CHST11: variants seen among roughly 807,000 people sequenced by gnomAD.
The protein encoded by CHST11 is carbohydrate sulfotransferase 11.
Under a neutral mutation model 30.4 loss-of-function variants are expected in CHST11, and 9 were observed. That is an observed-to-expected ratio of 0.30 (90% confidence interval 0.18 to 0.52). CHST11 has a LOEUF of 0.52. Ranked by LOEUF, CHST11 falls within the 20% of genes least tolerant of loss-of-function variation. The probability of loss-of-function intolerance (pLI) is 0.97; values close to 1 mark genes in which losing one functional copy is unlikely to be tolerated. For synonymous variants in CHST11, 152 were observed against 187.8 expected (o/e 0.81, Z 1.56); for missense variants, 348 against 460.6 (o/e 0.76, Z 2.24).
chr12:104,670,612 T>C lies in CHST11; in HGVS notation c.204+68621T>C, dbSNP rs554900012. Among the ~76,000 whole-genome samples the C allele has an allele frequency of 4.4e-3, 587 of 132,566 alleles. 8 individuals carry two copies. Among genetic ancestry groups the C allele is most frequent in the African/African-American group, 0.017 (570 of 33,880 alleles). The allele number at this position is 132,566 out of a possible 152,430, so 87.0% of individuals were successfully genotyped here. A position where few individuals can be genotyped will look rare whatever the true frequency, so the allele number is the denominator to read the frequency against. On this transcript the variant is annotated intron_variant, in intron 2 of 2. Coordinates refer to ENST00000303694, the MANE Select transcript of CHST11 (RefSeq NM_018413.6). The stretch of plus-strand genomic sequence containing the variant: ...ATACACACACTCCCACACAAACACA[T>C]CCATACACACGCACTCACACTCATG...
chr12:104,528,466 A>ATACG (rs1436842758), intron 1 of CHST11, among the ~76,000 whole-genome samples: 2 of 152,184 alleles, frequency 1.3e-5, no homozygotes, highest in Admixed American at 6.5e-5. Context: ...CTCACTCTTC[A>ATACG]TTTGCAAACG....
chr12:104,669,449 T>G (rs757620513), intron 2 of CHST11, among the ~76,000 whole-genome samples: 3 of 152,180 alleles, frequency 2.0e-5, no homozygotes, highest in Non-Finnish European at 2.9e-5. Flanking sequence ...AAGGGATGCT[T>G]CTAGGTCTTT....
At chr12:104,750,455 T>TTTTTTTTTTTTG (rs1566064739) in intron 2 of CHST11, among the ~76,000 whole-genome samples, 11 of 117,494 alleles carry the variant, frequency 9.4e-5, no homozygotes, top group Non-Finnish European at 1.6e-4. Flanking sequence ...TTTTTTTTTT[T>TTTTTTTTTTTTG]TGTTGAGACT....
At chr12:104,553,344 T>C (rs1417130092) in intron 1 of CHST11, 2 of 152,184 alleles carry the variant, frequency 1.3e-5, no homozygotes, top group African/African-American at 2.4e-5. Context: ...CAAAGGCAAG[T>C]AGTAATGCCT....
intron 1 of CHST11, among the ~76,000 whole-genome samples, chr12:104,518,375 T>C (rs1163739064): frequency 6.6e-6 from 1 of 152,190 alleles, no homozygotes; most frequent in African/African-American, 2.4e-5. Flanking sequence ...ATTCGGATGA[T>C]ACACATGTTA....
At chr12:104,688,156 G>A (rs1327592253) in intron 2 of CHST11, among the ~76,000 whole-genome samples, 1 of 152,210 alleles carries the variant, frequency 6.6e-6, no homozygotes. Context: ...GAAAACAATA[G>A]GGACCATTTT....
At chr12:104,614,944 CA>C (rs1481226158) in intron 2 of CHST11, among the ~76,000 whole-genome samples, 4 of 152,204 alleles carry the variant, frequency 2.6e-5, no homozygotes, top group Admixed American at 1.3e-4. Context: ...AGAGGATAAG[CA>C]GGCCAAAGAT....
Position 104,750,454 on chromosome 12 carries a change from T to TTTTTTTTTTTTTTTTTTTTTTTTG in CHST11, c.205-6493_205-6492insTTTTTTTTTTTTTTTTTTTTTGTT, listed in dbSNP as rs1566064735. ...TTTTTTTTTTTTTTTTTTTTTTTTT[T>TTTTTTTTTTTTTTTTTTTTTTTTG]TTGTTGAGACTGAGTCTCGCTCTGT... is the stretch of plus-strand genomic sequence containing the variant. On this transcript the variant is annotated intron_variant, in intron 2 of 2. Transcript: ENST00000303694. Among the ~76,000 whole-genome samples the TTTTTTTTTTTTTTTTTTTTTTTTG allele has an allele frequency of 1.6e-5, 2 of 122,160 alleles. 1 individual carries two copies. Among genetic ancestry groups the TTTTTTTTTTTTTTTTTTTTTTTTG allele is most frequent in the Admixed American group, 1.7e-4 (2 of 11,940 alleles). 80.1% of individuals were successfully genotyped at this position (122,160 alleles called of 152,430 possible). A position where few individuals can be genotyped will look rare whatever the true frequency, so the allele number is the denominator to read the frequency against.
intron 2 of CHST11, among the ~76,000 whole-genome samples, chr12:104,719,521 T>C (rs988941475): frequency 3.9e-5 from 6 of 152,220 alleles, no homozygotes; most frequent in African/African-American, 1.4e-4. Context: ...ATAGGCTTCC[T>C]GCCATTAATT....
At chr12:104,476,098 TA>T (rs1219994609) in intron 1 of CHST11, among the ~76,000 whole-genome samples, 1 of 140,726 alleles carries the variant, frequency 7.1e-6, no homozygotes, top group Non-Finnish European at 1.5e-5. Context: ...AAATTATAAT[TA>T]TATATAAATA....
At chr12:104,731,130 C>T (rs2040253865) in intron 2 of CHST11, among the ~76,000 whole-genome samples, 1 of 152,232 alleles carries the variant, frequency 6.6e-6, no homozygotes, top group Non-Finnish European at 1.5e-5. Context: ...CTGTCTCCTG[C>T]ATCCTTCCAA....
At chr12:104,642,369 C>T (rs146189803) in intron 2 of CHST11, among the ~76,000 whole-genome samples, 58 of 152,106 alleles carry the variant, frequency 3.8e-4, no homozygotes, top group African/African-American at 1.3e-3. Context: ...AGTACCTATG[C>T]GCATTTCTTT....
intron 2 of CHST11, among the ~76,000 whole-genome samples, chr12:104,725,136 A>G (rs572176956): frequency 6.6e-6 from 1 of 152,098 alleles, no homozygotes; most frequent in Admixed American, 6.5e-5. Context: ...TCTGACTCTC[A>G]ATTTCCTTAT....
At chr12:104,534,475 T>C (rs1230961574) in intron 1 of CHST11, among the ~76,000 whole-genome samples, 8 of 152,226 alleles carry the variant, frequency 5.3e-5, no homozygotes, top group African/African-American at 1.9e-4. Context: ...TGCTCACGGT[T>C]CCCATTTAGT....
At position 104,544,870 on chromosome 12, in the gene CHST11, A is replaced by T. The variant is rs930774275; in HGVS notation, c.119-57036A>T. Among the ~76,000 whole-genome samples, 5 of 147,278 alleles carry T rather than the reference A, an allele frequency of 3.4e-5. 1 individual carries two copies. Among genetic ancestry groups the T allele is most frequent in the Admixed American group, 2.9e-4 (4 of 13,740 alleles). ...CCCTCTGAATTACTGCAGTAAATTT[A>T]TATAGGGTGGATGTTGGCCTTGCCA... On this transcript the variant is annotated intron_variant, in intron 1 of 2. Transcript: ENST00000303694.
chr12:104,666,133 C>T (rs1195261801), intron 2 of CHST11, among the ~76,000 whole-genome samples: 1 of 151,966 alleles, frequency 6.6e-6, no homozygotes, highest in Admixed American at 6.6e-5. Flanking sequence ...CTCTTTTAAT[C>T]TTATTTAGAC....
intron 2 of CHST11, among the ~76,000 whole-genome samples, chr12:104,718,529 C>T (rs1367343931): frequency 6.6e-6 from 1 of 152,182 alleles, no homozygotes; most frequent in African/African-American, 2.4e-5. Flanking sequence ...CACTGCCTTC[C>T]GTGTGTTACT....
chr12:104,697,019 A>G (rs1373742166), intron 2 of CHST11, among the ~76,000 whole-genome samples: 4 of 152,164 alleles, frequency 2.6e-5, no homozygotes, highest in Non-Finnish European at 5.9e-5. Flanking sequence ...GTATCTACCT[A>G]TAGGTAGACA....
At chr12:104,675,274 T>C (rs187708147) in intron 2 of CHST11, among the ~76,000 whole-genome samples, 13 of 152,352 alleles carry the variant, frequency 8.5e-5, no homozygotes, top group Non-Finnish European at 1.6e-4. Context: ...TAAGGACCTA[T>C]AATTGACAGA....
Sources: gnomAD v4.1 joint callset for allele counts (sites outside exome capture counted in the v4.1 genomes callset) on GRCh38, gnomAD v4.1.1 for gene constraint, MANE v1.5 for transcripts, NCBI Gene and HGNC (gene_info 2026-07-23, HGNC 2026-07-21) for gene names.